SHOC1: variants seen among roughly 807,000 people sequenced by gnomAD.
SHOC1 encodes shortage in chiasmata 1.
In SHOC1, 136 loss-of-function variants were observed where a neutral mutation model predicts 179.2. That is an observed-to-expected ratio of 0.76 (90% confidence interval 0.66 to 0.87). SHOC1 has a LOEUF of 0.87. Among genes scored for constraint, SHOC1 ranks in the 40% least tolerant of loss-of-function variants. SHOC1 has a pLI of 0.00. For missense variants in SHOC1, 1,538 were observed against 1,700.8 expected (o/e 0.90, Z 1.68); for synonymous variants, 489 against 586.6 (o/e 0.83, Z 2.41).
chr9:111,786,434 C>CA (rs1337478443), intron 2 of SHOC1, among the ~76,000 whole-genome samples: 1 of 147,188 alleles, frequency 6.8e-6, no homozygotes, highest in East Asian at 2.0e-4. Flanking sequence ...GACTCCGTGT[C>CA]AAAAAAACAA....
At position 111,758,677 on chromosome 9, in the gene SHOC1, G is replaced by A; in HGVS notation, c.596+18C>T. 1 of 1,553,124 alleles carries A rather than the reference G, an allele frequency of 6.4e-7. No homozygotes were observed. The highest frequency in any genetic ancestry group is 8.7e-7 in the Non-Finnish European group (1 of 1,154,968). ...ACCTCTTAAAAATATTTACAGCATT[G>A]GTCAATTAAGTAAGTACCTGGAAAA... is the stretch of plus-strand genomic sequence containing the variant. On this transcript the variant is annotated intron_variant, in intron 6 of 27. Coordinates refer to ENST00000682961, the MANE Select transcript of SHOC1 (RefSeq NM_001378211.1).
chr9:111,723,761 C>A (rs765542529), intron 14 of SHOC1, 31 bp downstream of exon 14: 1 of 1,600,952 alleles, frequency 6.2e-7, no homozygotes, highest in Non-Finnish European at 8.5e-7. Flanking sequence ...CTAAGCAAAT[C>A]TGAAATGCAT....
intron 3 of SHOC1, among the ~76,000 whole-genome samples, chr9:111,784,443 CTG>C (rs1836188310): frequency 1.3e-5 from 2 of 152,206 alleles, no homozygotes; most frequent in Non-Finnish European, 2.9e-5. Context: ...GTCCAAGACA[CTG>C]TAATATTTTA....
chr9:111,787,063 G>C (rs1035048621), intron 2 of SHOC1, among the ~76,000 whole-genome samples: 11 of 152,192 alleles, frequency 7.2e-5, no homozygotes, highest in Non-Finnish European at 1.5e-4. Context: ...AATATTTTAA[G>C]CCTATTGTTG....
At chr9:111,702,385 T>C (rs1223178974) in intron 22 of SHOC1, among the ~76,000 whole-genome samples, 159 bp from the exon 23 acceptor site, 1 of 152,056 alleles carries the variant, frequency 6.6e-6, no homozygotes, top group Non-Finnish European at 1.5e-5. Context: ...ATGCAGGAAG[T>C]AGTAGGAGAA....
At chr9:111,747,112 T>A (rs1330678635) in intron 9 of SHOC1, among the ~76,000 whole-genome samples, 1 of 152,174 alleles carries the variant, frequency 6.6e-6, no homozygotes, top group African/African-American at 2.4e-5. Flanking sequence ...GGACTCTAGA[T>A]GGCCTAGCAC....
chr9:111,702,919 G>A (rs1832048886), intron 22 of SHOC1, among the ~76,000 whole-genome samples: 2 of 152,188 alleles, frequency 1.3e-5, no homozygotes, highest in Non-Finnish European at 1.5e-5. Flanking sequence ...AGACCACCCT[G>A]GGCAACATAG....
chr9:111,699,607 T>C (rs1295686485), intron 24 of SHOC1, among the ~76,000 whole-genome samples: 1 of 152,206 alleles, frequency 6.6e-6, no homozygotes, highest in Non-Finnish European at 1.5e-5. Context: ...TATATTACCC[T>C]AGTATATGTC....
chr9:111,716,823 T>A (rs1030637115), intron 16 of SHOC1, among the ~76,000 whole-genome samples: 27 of 152,354 alleles, frequency 1.8e-4, no homozygotes, highest in African/African-American at 6.3e-4. Flanking sequence ...GTGCTATTCT[T>A]TTCTTCTTCA....
chr9:111,712,057 A>G (rs1459215670), intron 18 of SHOC1, among the ~76,000 whole-genome samples: 1 of 152,226 alleles, frequency 6.6e-6, no homozygotes, highest in Non-Finnish European at 1.5e-5. Context: ...ATCATGAAAG[A>G]GCTATAGGTA....
At chr9:111,741,199 A>G (rs1564139960) in intron 11 of SHOC1, among the ~76,000 whole-genome samples, 1 of 151,984 alleles carries the variant, frequency 6.6e-6, no homozygotes, top group Non-Finnish European at 1.5e-5. Flanking sequence ...AATTACTTGT[A>G]TGGGACAGTT....
At chr9:111,777,356 T>C (rs1835875216) in intron 4 of SHOC1, among the ~76,000 whole-genome samples, 1 of 152,182 alleles carries the variant, frequency 6.6e-6, no homozygotes, top group Non-Finnish European at 1.5e-5. Flanking sequence ...AAAGTGGGTC[T>C]TTTCAGGAAA....
chr9:111,713,145 C>CT lies in SHOC1; in HGVS notation c.2442dup (p.Asp815ArgfsTer3). The CT allele has an allele frequency of 6.4e-7, 1 of 1,571,688 alleles. No individual in the cohort carries two copies. The highest frequency in any genetic ancestry group is 1.7e-5 in the Admixed American group (1 of 58,988). ...TTAATGAGAAAATGTTTTTCACCGT[C>CT]TGAGTCCATTCTTATTATAATCAGT... On this transcript the variant is annotated frameshift_variant, in exon 18 of 28. Coordinates refer to ENST00000682961, the MANE Select transcript of SHOC1 (RefSeq NM_001378211.1). LOFTEE classifies it high-confidence loss of function.
rs11378313 is a variant in SHOC1 at position 111,788,235 on chromosome 9, T to TAA, written c.46-2202_46-2201dup. 8.3e-3 allele frequency among the ~76,000 whole-genome samples: 1,183 copies of TAA among 143,384 alleles called. 18 individuals carry two copies. Among genetic ancestry groups the TAA allele is most frequent in the African/African-American group, 0.026 (1,006 of 39,224 alleles). 94.1% of individuals were successfully genotyped at this position (143,384 alleles called of 152,430 possible). ...AAACACAAAAACAAAAAAATGAGAA[T>TAA]AAAAAAAAAAAAGCTATTCTCCTGC... On this transcript the variant is annotated intron_variant, in intron 2 of 27. Transcript: ENST00000682961.
At chr9:111,708,124 T>C (rs1022008435) in intron 18 of SHOC1, among the ~76,000 whole-genome samples, 200 bp from the exon 19 acceptor site, 1 of 152,008 alleles carries the variant, frequency 6.6e-6, no homozygotes, top group Non-Finnish European at 1.5e-5. Flanking sequence ...TGCGTGTATA[T>C]ATAGAGCATG....
chr9:111,687,762 TTTTTCTTTTTTC>T (rs1212925521), intron 27 of SHOC1, among the ~76,000 whole-genome samples: 2 of 152,092 alleles, frequency 1.3e-5, no homozygotes, highest in Non-Finnish European at 2.9e-5. Context: ...CTTCTTTTTT[TTTTTCTTTTTTC>T]TTTTCCAGTT....
At chr9:111,759,897 AAG>A (rs1437628585) in intron 5 of SHOC1, among the ~76,000 whole-genome samples, 4 of 152,336 alleles carry the variant, frequency 2.6e-5, no homozygotes, top group African/African-American at 9.6e-5. Context: ...AGCTTCCTAA[AAG>A]AGATTTATCT....
At chr9:111,714,737 A>C in intron 16 of SHOC1, 114 bp from the exon 17 acceptor site, 1 of 939,476 alleles carries the variant, frequency 1.1e-6, no homozygotes, top group Non-Finnish European at 1.6e-6. Flanking sequence ...AATTTCCTTT[A>C]ATTGTTTTCT....
Position 111,781,013 on chromosome 9 carries a change from T to G in SHOC1, c.174A>C (p.Ser58=), listed in dbSNP as rs1189397889. 6.2e-6 allele frequency: 10 copies of G among 1,611,118 alleles called. No individual in the cohort carries two copies. The highest frequency in any genetic ancestry group is 8.5e-6 in the Non-Finnish European group (10 of 1,177,804). The change falls in exon 4 of 28, where the codon TCA becomes TCC. Residue 58 remains serine (S), a synonymous_variant. Coordinates refer to ENST00000682961, the MANE Select transcript of SHOC1 (RefSeq NM_001378211.1). ...NKFRRPWTRV[S]AVSVPGMTDT... ...CTGTCATTCCCGGAACTGAAACAGC[T>G]GAGACTAGAAAGGATAATAGTTAAC... is the stretch of plus-strand genomic sequence containing the variant.
Sources: gnomAD v4.1 joint callset for allele counts (sites outside exome capture counted in the v4.1 genomes callset) on GRCh38, gnomAD v4.1.1 for gene constraint, MANE v1.5 for transcripts, NCBI Gene and HGNC (gene_info 2026-07-23, HGNC 2026-07-21) for gene names.